The following PROC variants were observed in gnomAD, a reference collection of about 807,000 sequenced individuals.
The protein encoded by PROC is protein C, inactivator of coagulation factors Va and VIIIa, also known as vitamin K-dependent protein C.
In PROC, 22 loss-of-function variants were observed where a neutral mutation model predicts 36.3. The observed-to-expected ratio is 0.61, with a 90% CI of 0.43 to 0.86. The LOEUF is 0.86. Among genes scored for constraint, PROC ranks in the 40% least tolerant of loss-of-function variants. The pLI is 0.00. For missense variants in PROC, 526 were observed against 629.7 expected, an observed-to-expected ratio of 0.84 and a Z score of 1.76; for synonymous variants, 218 against 244.5, an observed-to-expected ratio of 0.89 and a Z score of 1.01.
In PROC at chr2:127,418,601, C is replaced by A. The variant is rs1385083783; in HGVS notation, c.-22+109C>A. The A allele has an allele frequency of 3.0e-6, 3 of 1,013,212 alleles. No homozygotes were observed. Among genetic ancestry groups the A allele is most frequent in the Non-Finnish European group, 4.0e-6 (3 of 742,622 alleles). 62.8% of individuals were successfully genotyped at this position (1,013,212 alleles called of 1,614,324 possible). On this transcript the variant is annotated intron_variant, in intron 1 of 8. Transcript: ENST00000234071. This position sits in a 1 kb window ranked among gnomAD's most constrained non-coding sequence, Gnocchi z 4.8. Reference sequence around the variant, plus strand: ...TGAATCCTCCAGCCAGGGTGCTCAACAAGCCTGAGCTTGGGGTGAAAGGAC... The same window carrying A: ...TGAATCCTCCAGCCAGGGTGCTCAAAAAGCCTGAGCTTGGGGTGAAAGGAC...
At chr2:127,422,498 A>G (rs1688160309) in intron 3 of PROC, among the ~76,000 whole-genome samples, 1 of 152,102 alleles carries the variant, frequency 6.6e-6, no homozygotes, top group African/African-American at 2.4e-5. Context: ...CATCCTCCCA[A>G]CTCTGAAAAA....
Position 127,428,916 on chromosome 2 carries a change from G to A in PROC, c.1356G>A (p.Lys452=), listed in dbSNP as rs371265125. ...GGATCCATGGGCACATCAGAGACAA[G>A]GAAGCCCCCCAGAAGAGCTGGGCAC... ...LDWIHGHIRD[K]EAPQKSWAP Residue 452 remains lysine (K), a synonymous_variant, in exon 9 of 9, where the codon AAG becomes AAA. Coordinates refer to ENST00000234071, the MANE Select transcript of PROC (RefSeq NM_000312.4). The A allele has an allele frequency of 7.4e-6, 12 of 1,613,850 alleles. No homozygotes were observed. The African/African-American group carries it at 1.6e-4, about 22-fold the overall frequency.
At chr2:127,420,122 G>A in intron 2 of PROC, 110 bp downstream of exon 2, 3 of 1,274,064 alleles carry the variant, frequency 2.4e-6, no homozygotes, top group Non-Finnish European at 2.2e-6. Context: ...CCTGGGTGAG[G>A]TGAGGGGCAG....
At position 127,426,352 on chromosome 2, in the gene PROC, G is replaced by A; in HGVS notation, c.678+125G>A. 1 of 1,385,648 alleles carries A rather than the reference G, an allele frequency of 7.2e-7. No homozygotes were observed. The highest frequency in any genetic ancestry group is 1.0e-6 in the Non-Finnish European group (1 of 998,022). The allele number at this position is 1,385,648 out of a possible 1,614,324, so 85.8% of individuals were successfully genotyped here. A position where few individuals can be genotyped will look rare whatever the true frequency, so the allele number is the denominator to read the frequency against. Reference sequence around the variant, plus strand: ...GCTGCCATTGCGTTTGGGGGATGATGAAGGTGGGGGATGCTTCAGGGAAAG... The same window carrying A: ...GCTGCCATTGCGTTTGGGGGATGATAAAGGTGGGGGATGCTTCAGGGAAAG... On this transcript the variant is annotated intron_variant, in intron 7 of 8. Coordinates refer to ENST00000234071, the MANE Select transcript of PROC (RefSeq NM_000312.4). The surrounding 1 kb of genome is among the most constrained non-coding windows in gnomAD (Gnocchi z 7.0).
At chr2:127,422,773 C>A in intron 3 of PROC, 144 bp from the exon 4 acceptor site, 2 of 1,182,748 alleles carry the variant, frequency 1.7e-6, no homozygotes, top group Non-Finnish European at 2.4e-6. Flanking sequence ...CAGCTCCTAG[C>A]AGCCAACGAC....
Position 127,423,176 on chromosome 2 carries a change from G to C in PROC, c.400+5G>C, listed in dbSNP as rs199469478. 5 of 1,570,272 alleles carry C rather than the reference G, an allele frequency of 3.2e-6. No homozygotes were observed. The highest frequency in any genetic ancestry group is 2.4e-5 in the East Asian group (1 of 42,434). ...AGGGCCGCTTCTGCCAGCGCGGTGAGGGGGAGAGGTGGATGCTGGCGGGCG... is the reference window on the plus strand; with the variant it reads ...AGGGCCGCTTCTGCCAGCGCGGTGACGGGGAGAGGTGGATGCTGGCGGGCG... On this transcript the variant is annotated splice_donor_5th_base_variant and intron_variant, in intron 5 of 8. Coordinates refer to ENST00000234071, the MANE Select transcript of PROC (RefSeq NM_000312.4).
rs545905451 is a variant in PROC at position 127,421,576 on chromosome 2, C to T, written c.237+127C>T. ...GAGTTGTGGGGGTGGCTGAGTGGAG[C>T]GATTAGGATGCTGGCCCTATGATGT... On this transcript the variant is annotated intron_variant, in intron 3 of 8. Transcript: ENST00000234071. The T allele has an allele frequency of 3.4e-5, 37 of 1,080,930 alleles. No individual in the cohort carries two copies. In the South Asian group the frequency reaches 4.3e-4, roughly 12 times the overall value. 67.0% of individuals were successfully genotyped at this position (1,080,930 alleles called of 1,614,324 possible). A position where few individuals can be genotyped will look rare whatever the true frequency, so the allele number is the denominator to read the frequency against.
chr2:127,419,933 T>G lies in PROC; in HGVS notation c.-10T>G. 1 of 1,613,992 alleles carries G rather than the reference T, an allele frequency of 6.2e-7. No individual in the cohort carries two copies. The highest frequency in any genetic ancestry group is 8.5e-7 in the Non-Finnish European group (1 of 1,180,006). On this transcript the variant is annotated 5_prime_UTR_variant, in exon 2 of 9. Coordinates refer to ENST00000234071, the MANE Select transcript of PROC (RefSeq NM_000312.4). ...GAAGTCCTCCTCAGACAGGTGCCAG[T>G]GCCTCCAGAATGTGGCAGCTCACAA...
At chr2:127,427,352 T>A in intron 8 of PROC, 130 bp downstream of exon 8, 1 of 799,706 alleles carries the variant, frequency 1.3e-6, no homozygotes, top group Non-Finnish European at 2.1e-6. Flanking sequence ...CCACAGAAGG[T>A]GTTTGGGGGG....
rs1573442756 is a variant in PROC at position 127,423,056 on chromosome 2, G to A, written c.285G>A (p.Leu95=). The change falls in exon 5 of 9, where the codon TTG becomes TTA. Residue 95 remains leucine, a synonymous_variant. Transcript: ENST00000234071. The stretch of plus-strand genomic sequence containing the variant: ...CAGACGGTGACCAGTGCTTGGTCTT[G>A]CCCTTGGAGCACCCGTGCGCCAGCC... ...KHVDGDQCLV[L]PLEHPCASLC... The A allele has an allele frequency of 6.2e-7, 1 of 1,612,328 alleles. No homozygotes were observed. Among genetic ancestry groups the A allele is most frequent in the Non-Finnish European group, 8.5e-7 (1 of 1,179,680 alleles).
chr2:127,428,267 G>A (rs776298387), intron 8 of PROC, 90 bp from the exon 9 acceptor site: 20 of 1,295,840 alleles, frequency 1.5e-5, no homozygotes, highest in Non-Finnish European at 2.1e-5. Flanking sequence ...GCCCAGGCCT[G>A]CAGGGGCACA....
In PROC at chr2:127,422,879, C is replaced by T. The variant is rs373126655; in HGVS notation, c.238-38C>T. 4,565 of 1,549,550 alleles carry T rather than the reference C, an allele frequency of 2.9e-3. 13 individuals carry two copies. The highest frequency in any genetic ancestry group is 0.014 in the Middle Eastern group (79 of 5,542). On this transcript the variant is annotated intron_variant, in intron 3 of 8. Coordinates refer to ENST00000234071, the MANE Select transcript of PROC (RefSeq NM_000312.4). ...ACCCGGGCGCGCCCCCTCCGCACAC[C>T]GGCTGCAGGAGCCTGACGCTGCCCG...
At chr2:127,424,045 G>A (rs1688317214) in intron 6 of PROC, among the ~76,000 whole-genome samples, 1 of 151,768 alleles carries the variant, frequency 6.6e-6, no homozygotes, top group Non-Finnish European at 1.5e-5. Flanking sequence ...CTGCCTCTAG[G>A]GACATTTATC....
chr2:127,422,811 G>C lies in PROC; in HGVS notation c.238-106G>C. 4 of 1,457,150 alleles carry C rather than the reference G, an allele frequency of 2.7e-6. No individual in the cohort carries two copies. In the South Asian group the frequency reaches 3.7e-5, roughly 13 times the overall value. 90.3% of individuals were successfully genotyped at this position (1,457,150 alleles called of 1,614,324 possible). Reference sequence around the variant, plus strand: ...TCGGGCGTCGATCCCTGTTTGTCTGGAAGCCCTCCCCTCCCCTGCCCGCTC... The same window carrying C: ...TCGGGCGTCGATCCCTGTTTGTCTGCAAGCCCTCCCCTCCCCTGCCCGCTC... On this transcript the variant is annotated intron_variant, in intron 3 of 8. Coordinates refer to ENST00000234071, the MANE Select transcript of PROC (RefSeq NM_000312.4).
At chr2:127,421,232 C>T in intron 2 of PROC, 51 bp from the exon 3 acceptor site, 1 of 1,600,288 alleles carries the variant, frequency 6.2e-7, no homozygotes. Flanking sequence ...ATGGCCCCAG[C>T]CCCTCTTAGG....
In PROC at chr2:127,422,873, G is replaced by C. The variant is rs752417455; in HGVS notation, c.238-44G>C. 30 of 1,546,554 alleles carry C rather than the reference G, an allele frequency of 1.9e-5. No individual in the cohort carries two copies. The South Asian group carries it at 3.1e-4, about 16-fold the overall frequency. On this transcript the variant is annotated intron_variant, in intron 3 of 8. Transcript: ENST00000234071. The stretch of plus-strand genomic sequence containing the variant: ...TGCCCCACCCGGGCGCGCCCCCTCC[G>C]CACACCGGCTGCAGGAGCCTGACGC...
rs757439108 is a variant in PROC at position 127,423,253 on chromosome 2, C to T, written c.401-21C>T. The T allele has an allele frequency of 4.2e-5, 65 of 1,540,270 alleles. 1 individual carries two copies. The South Asian group carries it at 4.8e-4, about 11-fold the overall frequency. ...GGGCGCGGCACCAGCACCAGCTGCC[C>T]GCGCCCTCCCCTGCCCGCAGAGGTG... On this transcript the variant is annotated intron_variant, in intron 5 of 8. Transcript: ENST00000234071.
intron 8 of PROC, among the ~76,000 whole-genome samples, 190 bp from the exon 9 acceptor site, chr2:127,428,167 T>C (rs1459666015): frequency 6.6e-6 from 1 of 152,174 alleles, no homozygotes; most frequent in Non-Finnish European, 1.5e-5. Context: ...TCACCGTTGA[T>C]AGGGTTCCAC....
chr2:127,422,122 T>G (rs1573439372), intron 3 of PROC, among the ~76,000 whole-genome samples: 1 of 152,154 alleles, frequency 6.6e-6, no homozygotes, highest in Non-Finnish European at 1.5e-5. Context: ...CATCCAGGGA[T>G]GCTTTCCAGT....
Sources: allele counts gnomAD v4.1 joint callset (sites outside exome capture counted in the v4.1 genomes callset), GRCh38; gene constraint gnomAD v4.1.1; non-coding constraint Gnocchi (gnomAD v3.1); transcripts MANE v1.5; gene names NCBI Gene and HGNC (gene_info 2026-07-23, HGNC 2026-07-21).